The following PPARGC1A variants were observed in gnomAD, a reference collection of about 807,000 sequenced individuals.
PPARGC1A encodes PPARG coactivator 1 alpha, also known as peroxisome proliferator-activated receptor gamma coactivator 1-alpha.
In PPARGC1A, 25 loss-of-function variants were observed where a neutral mutation model predicts 88.7. The observed-to-expected ratio is 0.28, with a 90% CI of 0.21 to 0.39. PPARGC1A has a LOEUF of 0.39. Among genes scored for constraint, PPARGC1A ranks in the 10% least tolerant of loss-of-function variants. The pLI, the probability that PPARGC1A is intolerant of heterozygous loss-of-function variation, is 1.00. For synonymous variants in PPARGC1A, 363 were observed against 355.6 expected (o/e 1.02, Z -0.24); for missense variants, 880 against 968.7 (o/e 0.91, Z 1.22).
intron 2 of PPARGC1A, among the ~76,000 whole-genome samples, chr4:23,837,578 T>C (rs1471813260): frequency 2.6e-5 from 4 of 152,158 alleles, no homozygotes; most frequent in Non-Finnish European, 4.4e-5. Flanking sequence ...GGCTTCCTCC[T>C]TGCCCCATCC....
chr4:24,102,070 C>T, the PPARGC1A span, among the ~76,000 whole-genome samples: 1 of 152,196 alleles, frequency 6.6e-6, no homozygotes, highest in African/African-American at 2.4e-5. Flanking sequence ...TCCATCCAAT[C>T]CCAACCCCCT....
At chr4:23,855,515 C>T (rs1199971969) in intron 2 of PPARGC1A, among the ~76,000 whole-genome samples, 1 of 152,206 alleles carries the variant, frequency 6.6e-6, no homozygotes, top group East Asian at 1.9e-4. Context: ...TCTAAAAATG[C>T]CTACTCTTGT....
At chr4:24,181,962 T>C in the PPARGC1A span, among the ~76,000 whole-genome samples, 1 of 152,108 alleles carries the variant, frequency 6.6e-6, no homozygotes, top group Non-Finnish European at 1.5e-5. Context: ...ATCTATCATA[T>C]TGCACTCAGT....
chr4:24,435,132 T>G, the PPARGC1A span, among the ~76,000 whole-genome samples: 1 of 152,204 alleles, frequency 6.6e-6, no homozygotes, highest in East Asian at 1.9e-4. Context: ...TCCTGCCCCT[T>G]TCTGGGACCT....
chr4:24,302,211 T>C, the PPARGC1A span, among the ~76,000 whole-genome samples: 12 of 152,298 alleles, frequency 7.9e-5, no homozygotes, highest in Admixed American at 7.2e-4. Flanking sequence ...TTATCTGATG[T>C]TGTATAAAAG....
chr4:23,887,402 A>G (rs2148844651), intron 1 of PPARGC1A, among the ~76,000 whole-genome samples: 1 of 152,346 alleles, frequency 6.6e-6, no homozygotes, highest in East Asian at 1.9e-4. Context: ...TAACAGTCCA[A>G]GCCCTGTAAC....
intron 10 of PPARGC1A, among the ~76,000 whole-genome samples, chr4:23,812,335 C>T (rs961987425): frequency 3.9e-5 from 6 of 151,906 alleles, no homozygotes; most frequent in South Asian, 4.2e-4. Flanking sequence ...AGTCTCCTGC[C>T]GGCCAAAAAG....
the PPARGC1A span, among the ~76,000 whole-genome samples, chr4:24,204,560 G>A: frequency 6.6e-6 from 1 of 152,092 alleles, no homozygotes; most frequent in Non-Finnish European, 1.5e-5. Context: ...AATTCTCCTG[G>A]AAACTACGCC....
intron 2 of PPARGC1A, among the ~76,000 whole-genome samples, chr4:23,882,429 G>C (rs923326705): frequency 6.6e-6 from 1 of 152,034 alleles, no homozygotes; most frequent in Admixed American, 6.5e-5. Context: ...TTCATTGGAG[G>C]CTGAATCATT....
the PPARGC1A span, among the ~76,000 whole-genome samples, chr4:24,278,597 T>C: frequency 6.6e-6 from 1 of 152,114 alleles, no homozygotes; most frequent in Non-Finnish European, 1.5e-5. Context: ...GTCCCTTCTG[T>C]TTTTCATGAT....
At chr4:24,449,935 GT>G in the PPARGC1A span, among the ~76,000 whole-genome samples, 1 of 152,146 alleles carries the variant, frequency 6.6e-6, no homozygotes, top group African/African-American at 2.4e-5. Flanking sequence ...TAAATGGGCA[GT>G]TTTTTTCCAT....
chr4:23,981,750 T>G, the PPARGC1A span, among the ~76,000 whole-genome samples: 2 of 152,196 alleles, frequency 1.3e-5, no homozygotes, highest in East Asian at 3.9e-4. Flanking sequence ...TTATTCTCTG[T>G]GTTCATTTTG....
chr4:24,335,976 GTTAA>G, the PPARGC1A span, among the ~76,000 whole-genome samples: 13 of 152,256 alleles, frequency 8.5e-5, no homozygotes, highest in Non-Finnish European at 1.0e-4. Flanking sequence ...AATAAAAAGG[GTTAA>G]TTGAGGGCTT....
chr4:24,222,408 GAAT>G, the PPARGC1A span, among the ~76,000 whole-genome samples: 1 of 152,122 alleles, frequency 6.6e-6, no homozygotes, highest in Admixed American at 6.6e-5. Flanking sequence ...CCATCAATGG[GAAT>G]AATAATAATA....
chr4:24,209,313 A>G, the PPARGC1A span, among the ~76,000 whole-genome samples: 1 of 152,208 alleles, frequency 6.6e-6, no homozygotes, highest in African/African-American at 2.4e-5. Flanking sequence ...GGGCATCAGC[A>G]AGGAGGAGGA....
chr4:24,453,035 G>A, the PPARGC1A span, among the ~76,000 whole-genome samples: 1 of 152,072 alleles, frequency 6.6e-6, no homozygotes, highest in Non-Finnish European at 1.5e-5. Context: ...TGGTCTTTAG[G>A]GTGAATCCTA....
At chr4:23,884,665 C>T (rs1490671809) in intron 2 of PPARGC1A, 87 bp downstream of exon 2, 1 of 1,160,658 alleles carries the variant, frequency 8.6e-7, no homozygotes. Context: ...AAAGTAAGAA[C>T]TCATTATGCA....
the PPARGC1A span, among the ~76,000 whole-genome samples, chr4:24,037,118 A>G: frequency 6.6e-6 from 1 of 152,342 alleles, no homozygotes; most frequent in African/African-American, 2.4e-5. Context: ...TGGAAGCATC[A>G]TGGCTAGCAA....
intron 5 of PPARGC1A, among the ~76,000 whole-genome samples, chr4:23,825,936 C>T (rs1723854219): frequency 1.3e-5 from 2 of 152,118 alleles, no homozygotes; most frequent in African/African-American, 4.8e-5. Flanking sequence ...TTATGATACT[C>T]AACTAATAAT....
Sources: gnomAD v4.1 joint callset for allele counts (sites outside exome capture counted in the v4.1 genomes callset) on GRCh38, gnomAD v4.1.1 for gene constraint, MANE v1.5 for transcripts, NCBI Gene and HGNC (gene_info 2026-07-23, HGNC 2026-07-21) for gene names.